The following SLC35F3 variants were observed in gnomAD, a reference collection of about 807,000 sequenced individuals.
SLC35F3 encodes the protein putative thiamine transporter SLC35F3.
A neutral mutation model predicts 49.9 loss-of-function variants in SLC35F3; 25 were observed. The ratio of observed to expected loss-of-function variants is 0.50; its 90% CI spans 0.37 to 0.70. SLC35F3 has a LOEUF of 0.70. Among genes scored for constraint, SLC35F3 ranks in the 30% least tolerant of loss-of-function variants. The pLI is 0.00. For synonymous variants in SLC35F3, 275 were observed against 265.4 expected (o/e 1.04, Z -0.35); for missense variants, 525 against 639.8 (o/e 0.82, Z 1.94).
intron 2 of SLC35F3, among the ~76,000 whole-genome samples, chr1:234,112,752 AT>A (rs1665428223): frequency 4.1e-5 from 1 of 24,364 alleles, no homozygotes; most frequent in African/African-American, 1.6e-4. Flanking sequence ...TTTTTTTTGC[AT>A]TTTTAGTAGA....
intron 2 of SLC35F3, among the ~76,000 whole-genome samples, chr1:234,106,382 T>A (rs1665285085): frequency 6.6e-6 from 1 of 152,220 alleles, no homozygotes; most frequent in African/African-American, 2.4e-5. Flanking sequence ...TGAGAAAAGA[T>A]CACAGGCTAG....
chr1:234,222,347 T>C (rs1268318224), intron 2 of SLC35F3, among the ~76,000 whole-genome samples: 2 of 152,202 alleles, frequency 1.3e-5, no homozygotes, highest in Admixed American at 6.5e-5. Context: ...GTTTAATACC[T>C]TAAGGCCAAC....
chr1:234,210,896 G>A (rs779247693), intron 2 of SLC35F3, among the ~76,000 whole-genome samples: 3 of 152,210 alleles, frequency 2.0e-5, no homozygotes, highest in African/African-American at 4.8e-5. Flanking sequence ...TCTCTGGGAC[G>A]TGACAGAGGT....
chr1:234,211,926 T>C (rs528693660), intron 2 of SLC35F3, among the ~76,000 whole-genome samples: 56 of 152,240 alleles, frequency 3.7e-4, no homozygotes, highest in Non-Finnish European at 7.1e-4. Context: ...TGAATTCCCA[T>C]ATGTTGTGGG....
chr1:234,116,539 T>G (rs533204284), intron 2 of SLC35F3, among the ~76,000 whole-genome samples: 140 of 142,414 alleles, frequency 9.8e-4, no homozygotes, highest in Non-Finnish European at 1.8e-3. Flanking sequence ...TGAGACAGCG[T>G]TTTGCTCTGT....
intron 2 of SLC35F3, among the ~76,000 whole-genome samples, chr1:233,961,480 A>G (rs1308089556): frequency 7.1e-6 from 1 of 140,304 alleles, no homozygotes; most frequent in Non-Finnish European, 1.5e-5. Context: ...TTCTTGAGAC[A>G]AAGTCTCGCT....
rs540938619 is a variant in SLC35F3 at position 233,968,838 on chromosome 1, C to A, written c.283+63080C>A. Reference sequence around the variant, plus strand: ...CTCCCACTCTCCCTCTTCTAGTAATCCCTAATTTCTATTATTCCTGTCTTT... The same window carrying A: ...CTCCCACTCTCCCTCTTCTAGTAATACCTAATTTCTATTATTCCTGTCTTT... On this transcript the variant is annotated intron_variant, in intron 2 of 7. Coordinates refer to ENST00000366618, the MANE Select transcript of SLC35F3 (RefSeq NM_173508.4). Among the ~76,000 whole-genome samples the A allele has an allele frequency of 9.2e-5, 14 of 152,238 alleles. No homozygotes were observed. The East Asian group carries it at 2.7e-3, about 29-fold the overall frequency.
At chr1:234,013,414 A>G (rs558974078) in intron 2 of SLC35F3, among the ~76,000 whole-genome samples, 35 of 152,230 alleles carry the variant, frequency 2.3e-4, no homozygotes, top group African/African-American at 7.5e-4. Context: ...TAAACAACCT[A>G]ATGTTATACC....
intron 2 of SLC35F3, among the ~76,000 whole-genome samples, chr1:234,194,373 C>T (rs761624972): frequency 2.0e-5 from 3 of 152,136 alleles, no homozygotes; most frequent in Admixed American, 6.5e-5. Context: ...CATGTTCTCA[C>T]TCATAAGTGG....
chr1:234,043,375 T>A (rs1251388736), intron 2 of SLC35F3, among the ~76,000 whole-genome samples: 1 of 152,196 alleles, frequency 6.6e-6, no homozygotes, highest in East Asian at 1.9e-4. Flanking sequence ...TTAGAAACAT[T>A]CATTAATTAA....
intron 2 of SLC35F3, among the ~76,000 whole-genome samples, chr1:234,206,467 G>GC (rs1312823556): frequency 7.4e-6 from 1 of 135,418 alleles, no homozygotes; most frequent in Non-Finnish European, 1.6e-5. Flanking sequence ...CCTGGGGGTG[G>GC]GGGGGACTAT....
intron 2 of SLC35F3, among the ~76,000 whole-genome samples, chr1:234,078,451 C>G (rs1193720483): frequency 6.6e-6 from 1 of 152,122 alleles, no homozygotes; most frequent in Non-Finnish European, 1.5e-5. Context: ...TAAGTTTAAC[C>G]ATAGGCATTT....
chr1:234,095,778 C>T (rs1358753609), intron 2 of SLC35F3, among the ~76,000 whole-genome samples: 3 of 152,124 alleles, frequency 2.0e-5, no homozygotes, highest in Non-Finnish European at 2.9e-5. Context: ...CTTTCTGTGC[C>T]TCAGTTTTCT....
intron 2 of SLC35F3, among the ~76,000 whole-genome samples, chr1:234,071,833 A>G (rs376954371): frequency 6.6e-6 from 1 of 152,160 alleles, no homozygotes; most frequent in South Asian, 2.1e-4. Context: ...CACCCTTTCT[A>G]CTCCCCAAAT....
intron 2 of SLC35F3, among the ~76,000 whole-genome samples, chr1:234,047,564 C>G (rs1027461314): frequency 6.6e-6 from 1 of 152,202 alleles, no homozygotes; most frequent in Non-Finnish European, 1.5e-5. Context: ...GGCCTTTGGA[C>G]TATAATAGAA....
chr1:233,939,243 A>G (rs1662383673), intron 2 of SLC35F3, among the ~76,000 whole-genome samples: 1 of 152,180 alleles, frequency 6.6e-6, no homozygotes, highest in Admixed American at 6.5e-5. Context: ...CTTGAGGCCA[A>G]GAGTTCAAGA....
intron 2 of SLC35F3, among the ~76,000 whole-genome samples, chr1:233,990,353 C>CCTTGAT (rs1273939726): frequency 1.3e-5 from 2 of 152,168 alleles, no homozygotes; most frequent in East Asian, 3.8e-4. Context: ...AGTAGACTGA[C>CCTTGAT]CTTGATTCTA....
chr1:233,951,103 G>A (rs539322913), intron 2 of SLC35F3, among the ~76,000 whole-genome samples: 5 of 151,460 alleles, frequency 3.3e-5, no homozygotes, highest in South Asian at 2.1e-4. Context: ...ATGATAACAC[G>A]TCTCTTGGAT....
chr1:233,935,365 T>C (rs1201688375), intron 2 of SLC35F3, among the ~76,000 whole-genome samples: 1 of 152,064 alleles, frequency 6.6e-6, no homozygotes, highest in Non-Finnish European at 1.5e-5. Flanking sequence ...TAGCTGGGAA[T>C]TGATTTAGGT....
Sources: gnomAD v4.1 joint callset for allele counts (sites outside exome capture counted in the v4.1 genomes callset) on GRCh38, gnomAD v4.1.1 for gene constraint, MANE v1.5 for transcripts, NCBI Gene and HGNC (gene_info 2026-07-23, HGNC 2026-07-21) for gene names.